Variants in RORB observed in about 807,000 individuals in gnomAD.
The protein encoded by RORB is nuclear receptor ROR-beta.
A neutral mutation model predicts 59.1 loss-of-function variants in RORB; 6 were observed. The ratio of observed to expected loss-of-function variants is 0.10; its 90% confidence interval spans 0.06 to 0.20. RORB has a LOEUF of 0.20. Ranked by LOEUF, RORB falls within the 10% of genes least tolerant of loss-of-function variation. The probability of loss-of-function intolerance (pLI) is 1.00; values close to 1 mark genes in which losing one functional copy is unlikely to be tolerated. For missense variants in RORB, 320 were observed against 560.5 expected, an observed-to-expected ratio of 0.57 and a Z score of 4.33; for synonymous variants, 215 against 204.5, an observed-to-expected ratio of 1.05 and a Z score of -0.44.
At chr9:74,683,478 A>G (rs1824582117) in intron 9 of RORB, among the ~76,000 whole-genome samples, 1 of 152,190 alleles carries the variant, frequency 6.6e-6, no homozygotes, top group Non-Finnish European at 1.5e-5. Context: ...AGAGAACATA[A>G]CGTGAACTAT....
intron 1 of RORB, among the ~76,000 whole-genome samples, chr9:74,541,151 A>C (rs1587350566): frequency 6.6e-6 from 1 of 151,696 alleles, no homozygotes; most frequent in African/African-American, 2.4e-5. Flanking sequence ...GTGGTGGTAC[A>C]TGCCTGTAAT....
At chr9:74,658,216 T>C (rs576633604) in intron 4 of RORB, among the ~76,000 whole-genome samples, 9 of 152,154 alleles carry the variant, frequency 5.9e-5, no homozygotes, top group African/African-American at 1.9e-4. Context: ...ATAACCACAG[T>C]ATGAGTCTCA....
chr9:74,665,010 G>T (rs1005674926), intron 6 of RORB, among the ~76,000 whole-genome samples: 1 of 152,194 alleles, frequency 6.6e-6, no homozygotes, highest in Non-Finnish European at 1.5e-5. Flanking sequence ...AGATGCAAGA[G>T]TGAATACAGT....
At chr9:74,609,257 C>A (rs1823197109) in intron 1 of RORB, among the ~76,000 whole-genome samples, 1 of 152,146 alleles carries the variant, frequency 6.6e-6, no homozygotes, top group Non-Finnish European at 1.5e-5. Context: ...TTCTGAGGGG[C>A]TGTAACTTCC....
chr9:74,580,274 A>G (rs965245556), intron 1 of RORB, among the ~76,000 whole-genome samples: 4 of 152,172 alleles, frequency 2.6e-5, no homozygotes, highest in Non-Finnish European at 5.9e-5. Context: ...GCCAGTGTAA[A>G]ATAAACTTCC....
At chr9:74,612,287 A>C (rs537461558) in intron 1 of RORB, among the ~76,000 whole-genome samples, 34 of 152,120 alleles carry the variant, frequency 2.2e-4, no homozygotes, top group Admixed American at 7.9e-4. Flanking sequence ...GAAGTGAGGC[A>C]TTTGGGATGG....
intron 9 of RORB, among the ~76,000 whole-genome samples, chr9:74,672,485 TCTC>T (rs1475824322): frequency 2.0e-5 from 3 of 152,136 alleles, no homozygotes; most frequent in African/African-American, 7.2e-5. Context: ...TCAACGCTGA[TCTC>T]TTCGTGCAAG....
At chr9:74,682,853 A>G (rs1824569963) in intron 9 of RORB, among the ~76,000 whole-genome samples, 1 of 152,198 alleles carries the variant, frequency 6.6e-6, no homozygotes. Context: ...CAGCCTCTAC[A>G]GTAGTTGGGA....
chr9:74,533,616 G>A (rs998569888), intron 1 of RORB, among the ~76,000 whole-genome samples: 2 of 151,918 alleles, frequency 1.3e-5, no homozygotes, highest in Non-Finnish European at 2.9e-5. Context: ...GTTTAATCTG[G>A]TTGGGCCTGG....
intron 5 of RORB, among the ~76,000 whole-genome samples, chr9:74,661,845 C>G (rs1044855396): frequency 6.6e-6 from 1 of 151,744 alleles, no homozygotes; most frequent in African/African-American, 2.4e-5. Context: ...CAGGGTTTCA[C>G]CATGTTAGCC....
intron 1 of RORB, among the ~76,000 whole-genome samples, chr9:74,503,651 C>A (rs1345304639): frequency 6.6e-6 from 1 of 151,902 alleles, no homozygotes; most frequent in Non-Finnish European, 1.5e-5. Context: ...TTCAGGACTG[C>A]CAAGTAAATA....
At chr9:74,502,970 A>G (rs1052523348) in intron 1 of RORB, among the ~76,000 whole-genome samples, 12 of 152,082 alleles carry the variant, frequency 7.9e-5, no homozygotes, top group Non-Finnish European at 1.0e-4. Flanking sequence ...GGCTTTATTT[A>G]TACTGGCATT....
At chr9:74,568,715 GA>G (rs1225422147) in intron 1 of RORB, among the ~76,000 whole-genome samples, 3 of 138,050 alleles carry the variant, frequency 2.2e-5, no homozygotes, top group Admixed American at 1.5e-4. Context: ...AAAAAAAAAA[GA>G]AAAAAAGAAA....
At chr9:74,583,050 AC>A (rs1822747475) in intron 1 of RORB, among the ~76,000 whole-genome samples, 2 of 152,096 alleles carry the variant, frequency 1.3e-5, no homozygotes, top group African/African-American at 4.8e-5. Flanking sequence ...TGGCACATGG[AC>A]TGGGCCCCCA....
chr9:74,509,777 A>G (rs1001750099), intron 1 of RORB, among the ~76,000 whole-genome samples: 2 of 152,072 alleles, frequency 1.3e-5, no homozygotes, highest in Admixed American at 6.6e-5. Context: ...TGTGTTGTGT[A>G]CAAGCATAAG....
At chr9:74,557,323 T>A (rs183678954) in intron 1 of RORB, among the ~76,000 whole-genome samples, 64 of 152,188 alleles carry the variant, frequency 4.2e-4, no homozygotes, top group African/African-American at 1.4e-3. Flanking sequence ...CAGACACGAA[T>A]GAGGAGGCAG....
intron 4 of RORB, 56 bp from the exon 5 acceptor site, chr9:74,660,561 C>G (rs1236754540): frequency 1.9e-6 from 3 of 1,540,496 alleles, no homozygotes; most frequent in Non-Finnish European, 2.6e-6. Flanking sequence ...ACATTAAAAG[C>G]TAATGAGCAG....
rs529258060 is a variant in RORB, at chr9:74,614,821, C to T, written c.8-15461C>T. ...CCATGGAAGTTAACGCAATTTTTAC[C>T]TATTCATATATTTATCCTTCCTAGC... On this transcript the variant is annotated intron_variant, in intron 1 of 9. Transcript: ENST00000376896. Among the ~76,000 whole-genome samples, 4 of 151,834 alleles carry T rather than the reference C, an allele frequency of 2.6e-5. No homozygotes were observed. The South Asian group carries it at 8.3e-4, about 32-fold the overall frequency.
rs529073275 is a variant in RORB, at chr9:74,657,742, C to T, written c.638-2875C>T. Among the ~76,000 whole-genome samples the T allele has an allele frequency of 1.2e-4, 18 of 152,228 alleles. No homozygotes were observed. The South Asian group carries it at 3.3e-3, about 28-fold the overall frequency. ...GGCAAGGGTAGGGGATGGTGGCTCA[C>T]GCCTGTAATCCCAGCACTTTGGGAG... On this transcript the variant is annotated intron_variant, in intron 4 of 9. Transcript: ENST00000376896.
Sources: gnomAD v4.1 joint callset for allele counts (sites outside exome capture counted in the v4.1 genomes callset) on GRCh38, gnomAD v4.1.1 for gene constraint, MANE v1.5 for transcripts, NCBI Gene and HGNC (gene_info 2026-07-23, HGNC 2026-07-21) for gene names.